The following TRMT10B variants were observed in gnomAD, a reference collection of about 807,000 sequenced individuals.
TRMT10B encodes tRNA methyltransferase 10 homolog B.
TRMT10B carries 33 observed loss-of-function variants against 43.8 expected under a neutral mutation model. That is an observed-to-expected ratio of 0.75 (90% CI 0.57 to 1.01). The LOEUF is 1.01. TRMT10B is among the 50% of genes least tolerant of loss of function. The pLI is 0.00. For missense variants in TRMT10B, 362 were observed against 369.8 expected, an observed-to-expected ratio of 0.98 and a Z score of 0.17; for synonymous variants, 137 against 130.6, an observed-to-expected ratio of 1.05 and a Z score of -0.34.
chr9:37,763,750 G>A lies in TRMT10B; in HGVS notation c.417G>A (p.Lys139=), dbSNP rs775325650. ...TGAGTATGACCCACTACATGTCAAAGAAGGTAGAACATCCACTAAGCCTGG... is the reference window on the plus strand; with the variant it reads ...TGAGTATGACCCACTACATGTCAAAAAAGGTAGAACATCCACTAAGCCTGG... ...IDLSMTHYMS[K]KELSRLAGQI... Residue 139 remains lysine, a synonymous_variant, in exon 4 of 9, where the codon AAG becomes AAA. Transcript: ENST00000297994. 1 of 1,613,976 alleles carries A rather than the reference G, an allele frequency of 6.2e-7. No individual in the cohort carries two copies. Among genetic ancestry groups the A allele is most frequent in the Non-Finnish European group, 8.5e-7 (1 of 1,179,912 alleles).
At chr9:37,762,717 T>C (rs1251117463) in intron 3 of TRMT10B, 32 bp downstream of exon 3, 4 of 1,532,122 alleles carry the variant, frequency 2.6e-6, no homozygotes, top group South Asian at 1.3e-5. Flanking sequence ...GGTATAATAA[T>C]ATTTATTTTT....
chr9:37,755,931 TAGG>T (rs1475856703), intron 1 of TRMT10B, among the ~76,000 whole-genome samples: 3 of 152,222 alleles, frequency 2.0e-5, no homozygotes, highest in Admixed American at 1.3e-4. Context: ...TTCAGTTTGA[TAGG>T]AGAGAAGATA....
chr9:37,766,545 T>G (rs1199025903), intron 4 of TRMT10B, among the ~76,000 whole-genome samples: 1 of 152,234 alleles, frequency 6.6e-6, no homozygotes, highest in African/African-American at 2.4e-5. Context: ...TGGCTTAGGA[T>G]TGACTTGGCA....
At chr9:37,756,767 CAT>C (rs1289758194) in intron 1 of TRMT10B, among the ~76,000 whole-genome samples, 3 of 151,202 alleles carry the variant, frequency 2.0e-5, no homozygotes, top group Non-Finnish European at 2.9e-5. Context: ...TATATATACA[CAT>C]ATATACATAT....
intron 7 of TRMT10B, among the ~76,000 whole-genome samples, chr9:37,771,290 CATATAA>C (rs1240356664): frequency 7.2e-5 from 11 of 152,186 alleles, no homozygotes; most frequent in South Asian, 2.1e-4. Flanking sequence ...TAAAGACTAA[CATATAA>C]ATATAAAAGA....
chr9:37,755,025 C>A (rs538771675), intron 1 of TRMT10B, among the ~76,000 whole-genome samples: 186 of 152,286 alleles, frequency 1.2e-3, no homozygotes, highest in Admixed American at 1.8e-3. Context: ...AATCCTAGCA[C>A]TTTGGGAGGC....
intron 4 of TRMT10B, among the ~76,000 whole-genome samples, chr9:37,765,536 G>A (rs1366777506): frequency 4.6e-5 from 7 of 152,232 alleles, no homozygotes; most frequent in South Asian, 2.1e-4. Flanking sequence ...GAATAGTGCC[G>A]GAATAAACAT....
intron 7 of TRMT10B, among the ~76,000 whole-genome samples, chr9:37,771,876 GTTTTT>G (rs74171525): frequency 6.7e-6 from 1 of 149,016 alleles, no homozygotes; most frequent in African/African-American, 2.5e-5. Context: ...GACAGAAAAT[GTTTTT>G]TTTTTTTCTT....
rs570121819 is a variant in TRMT10B, at chr9:37,775,903, T to C, written c.721-379T>C. 2.0e-5 allele frequency among the ~76,000 whole-genome samples: 3 copies of C among 152,372 alleles called. No homozygotes were observed. In the East Asian group the frequency reaches 5.8e-4, roughly 29 times the overall value. On this transcript the variant is annotated intron_variant, in intron 7 of 8. Coordinates refer to ENST00000297994, the MANE Select transcript of TRMT10B (RefSeq NM_144964.4). ...TGGTGCACCTGTCTTGAATCTTGTC[T>C]ACCTTTTCCTCTAATTTGATGCTGC...
At chr9:37,772,591 A>C (rs1827706028) in intron 7 of TRMT10B, among the ~76,000 whole-genome samples, 1 of 152,188 alleles carries the variant, frequency 6.6e-6, no homozygotes, top group Non-Finnish European at 1.5e-5. Flanking sequence ...GAAAATGTTT[A>C]AGCTGAATTT....
In TRMT10B at chr9:37,777,486, A is replaced by AC. The variant is rs1294147652; in HGVS notation, c.845-113dup. The AC allele has an allele frequency of 4.8e-6, 4 of 835,062 alleles. No individual in the cohort carries two copies. In the African/African-American group the frequency reaches 5.1e-5, roughly 11 times the overall value. The allele number at this position is 835,062 out of a possible 1,614,324, so 51.7% of individuals were successfully genotyped here. A position where few individuals can be genotyped will look rare whatever the true frequency, so the allele number is the denominator to read the frequency against. ...TTGCCTCTCCCCGCAAGACCTTAGT[A>AC]CCACATATGGTGCAGAATAGGTTTG... On this transcript the variant is annotated intron_variant, in intron 8 of 8. Transcript: ENST00000297994.
At chr9:37,770,075 C>T in intron 6 of TRMT10B, 56 bp downstream of exon 6, 1 of 1,471,324 alleles carries the variant, frequency 6.8e-7, no homozygotes, top group Non-Finnish European at 9.5e-7. Context: ...TTTCATTATT[C>T]CCTGTGGCAG....
rs372334915 is a variant in TRMT10B at position 37,762,126 on chromosome 9, G to C, written c.186+9G>C. 4 of 1,608,006 alleles carry C rather than the reference G, an allele frequency of 2.5e-6. No homozygotes were observed. The highest frequency in any genetic ancestry group is 2.6e-6 in the Non-Finnish European group (3 of 1,176,018). ...GTACGGCATGGTGCTCGGTGAGTGC[G>C]TGAATTGCCTGGCCATAGGCCTTGA... On this transcript the variant is annotated intron_variant, in intron 2 of 8. Transcript: ENST00000297994.
chr9:37,770,643 G>C, intron 6 of TRMT10B, 29 bp from the exon 7 acceptor site: 2 of 1,583,070 alleles, frequency 1.3e-6, no homozygotes, highest in African/African-American at 2.7e-5. Flanking sequence ...AAACAGATTT[G>C]ATCTCATTGG....
intron 1 of TRMT10B, among the ~76,000 whole-genome samples, chr9:37,756,014 ATC>A (rs985718301): frequency 5.9e-5 from 9 of 152,172 alleles, no homozygotes; most frequent in African/African-American, 2.2e-4. Flanking sequence ...CCTATCCTAG[ATC>A]TCTTTTCCCC....
chr9:37,755,030 G>C (rs146042630), intron 1 of TRMT10B, among the ~76,000 whole-genome samples: 65 of 152,238 alleles, frequency 4.3e-4, no homozygotes, highest in African/African-American at 1.4e-3. Context: ...TAGCACTTTG[G>C]GAGGCCCAGA....
chr9:37,757,926 A>G (rs1352577675), intron 1 of TRMT10B, among the ~76,000 whole-genome samples: 2 of 152,082 alleles, frequency 1.3e-5, no homozygotes, highest in Admixed American at 1.3e-4. Context: ...GCTTAAACCT[A>G]TTTTAAGTGT....
At chr9:37,769,871 G>A in intron 5 of TRMT10B, 70 bp from the exon 6 acceptor site, 1 of 1,231,848 alleles carries the variant, frequency 8.1e-7, no homozygotes, top group South Asian at 1.2e-5. Flanking sequence ...CCAAAGTTCT[G>A]GGATTACAGA....
In TRMT10B at chr9:37,763,654, T is replaced by C; in HGVS notation, c.321T>C (p.Arg107=). The change falls in exon 4 of 9, where the codon CGT becomes CGC. Residue 107 remains arginine (R), a synonymous_variant. Coordinates refer to ENST00000297994, the MANE Select transcript of TRMT10B (RefSeq NM_144964.4). ...GCATTTGCCCCCAGCACAGCAAACG[T>C]TTCCTGAGAGCTCTAACCAAAGACA... The part of the protein sequence containing the change: ...NPGICPQHSK[R]FLRALTKDKL... 2 of 1,614,178 alleles carry C rather than the reference T, an allele frequency of 1.2e-6. No homozygotes were observed. Among genetic ancestry groups the C allele is most frequent in the Middle Eastern group, 1.6e-4 (1 of 6,062 alleles).
Sources: gnomAD v4.1 joint callset for allele counts (sites outside exome capture counted in the v4.1 genomes callset) on GRCh38, gnomAD v4.1.1 for gene constraint, MANE v1.5 for transcripts, NCBI Gene and HGNC (gene_info 2026-07-23, HGNC 2026-07-21) for gene names.